TSHZ3: variants seen among roughly 807,000 people sequenced by gnomAD.
TSHZ3 encodes teashirt zinc finger homeobox 3.
TSHZ3 carries 10 observed loss-of-function variants against 64.5 expected under a neutral mutation model. The observed-to-expected ratio is 0.16, with a 90% CI of 0.10 to 0.26. TSHZ3 has a LOEUF of 0.26. TSHZ3 is among the 10% of genes least tolerant of loss of function. The pLI is 1.00. For synonymous variants in TSHZ3, 608 were observed against 593.1 expected, an observed-to-expected ratio of 1.03 and a Z score of -0.36; for missense variants, 1,242 against 1,421.7, an observed-to-expected ratio of 0.87 and a Z score of 2.03.
intron 6 of TSHZ3, among the ~76,000 whole-genome samples, chr19:31,155,324 AT>A (rs1250791229): frequency 1.3e-5 from 2 of 152,216 alleles, no homozygotes; most frequent in African/African-American, 4.8e-5. Flanking sequence ...AGAATATTAC[AT>A]AAGGGATGCT....
chr19:31,260,987 GA>G (rs951703741), intron 1 of TSHZ3, among the ~76,000 whole-genome samples: 90 of 152,304 alleles, frequency 5.9e-4, no homozygotes, highest in African/African-American at 1.8e-3. Context: ...GGCCAATTTT[GA>G]ATGCGGGGCG....
At chr19:31,303,205 C>T (rs771617202) in intron 1 of TSHZ3, among the ~76,000 whole-genome samples, 32 of 152,334 alleles carry the variant, frequency 2.1e-4, no homozygotes, top group Non-Finnish European at 4.6e-4. Context: ...ACAGCCAAGC[C>T]TTCACTCCGG....
chr19:31,186,021 T>C (rs969391280), intron 5 of TSHZ3, among the ~76,000 whole-genome samples: 3 of 152,244 alleles, frequency 2.0e-5, no homozygotes, highest in African/African-American at 7.2e-5. Context: ...TTTCTACTGC[T>C]GATTTGCATT....
At chr19:31,200,685 C>T (rs1975069970) in intron 5 of TSHZ3, among the ~76,000 whole-genome samples, 2 of 152,124 alleles carry the variant, frequency 1.3e-5, no homozygotes, top group South Asian at 4.1e-4. Context: ...ATCTATAGAA[C>T]ACGCAATACC....
chr19:31,158,739 C>T (rs771318555), intron 5 of TSHZ3, among the ~76,000 whole-genome samples: 8 of 152,002 alleles, frequency 5.3e-5, no homozygotes, highest in Non-Finnish European at 1.0e-4. Flanking sequence ...ACTAGGTGGC[C>T]CCATATGGGG....
At position 31,277,772 on chromosome 19, in the gene TSHZ3, G is replaced by A. The variant is rs747619045; in HGVS notation, c.2021C>T (p.Pro674Leu). Residue 674 changes from proline (P) to leucine (L), a missense_variant, in exon 2 of 2, where the codon CCG becomes CTG. This residue lies in a region of TSHZ3 where 550 missense variants were observed against 545.1 expected (regional missense o/e 1.01). Transcript: ENST00000240587. The surrounding 1 kb of genome is among the most constrained non-coding windows in gnomAD (Gnocchi z 4.5). The stretch of plus-strand genomic sequence containing the variant: ...GCTCCCATCCTTGCACCCATCCCGC[G>A]GGGGGCTGGGGCTGTTCTCCTGGCT... ...FRSQENSPSPPRDGCKDGSPL... is the reference protein window; with the variant it reads ...FRSQENSPSPLRDGCKDGSPL... 3.4e-5 allele frequency: 52 copies of A among 1,528,838 alleles called. No individual in the cohort carries two copies. The African/African-American group carries it at 3.8e-4, about 11-fold the overall frequency. 94.7% of individuals were successfully genotyped at this position (1,528,838 alleles called of 1,614,324 possible).
At chr19:31,263,001 T>C (rs949931689) in intron 1 of TSHZ3, among the ~76,000 whole-genome samples, 6 of 152,194 alleles carry the variant, frequency 3.9e-5, no homozygotes, top group Non-Finnish European at 7.3e-5. Context: ...ATGAAATTAA[T>C]TTCCTGTAAC....
At chr19:31,260,489 T>C (rs1599609657) in intron 1 of TSHZ3, among the ~76,000 whole-genome samples, 2 of 152,200 alleles carry the variant, frequency 1.3e-5, no homozygotes, top group South Asian at 4.1e-4. Flanking sequence ...CTGGGCTCTG[T>C]CCTCCTGGCA....
chr19:31,252,331 TC>T (rs1975854207), intron 1 of TSHZ3, among the ~76,000 whole-genome samples: 1 of 152,070 alleles, frequency 6.6e-6, no homozygotes, highest in East Asian at 1.9e-4. Flanking sequence ...CTATGCCAGC[TC>T]CCCCGTGTGT....
intron 1 of TSHZ3, among the ~76,000 whole-genome samples, chr19:31,250,185 C>A (rs964189490): frequency 8.5e-5 from 13 of 152,252 alleles, no homozygotes; most frequent in African/African-American, 3.1e-4. Context: ...TTAAGCACAT[C>A]TATGAGCATG....
chr19:31,303,894 C>A (rs1004537090), intron 1 of TSHZ3, among the ~76,000 whole-genome samples: 1 of 152,124 alleles, frequency 6.6e-6, no homozygotes, highest in Non-Finnish European at 1.5e-5. Flanking sequence ...TGACTAGGGC[C>A]AAGTGCTATT....
At chr19:31,342,924 G>A (rs750916275) in intron 1 of TSHZ3, among the ~76,000 whole-genome samples, 6 of 152,172 alleles carry the variant, frequency 3.9e-5, no homozygotes, top group Non-Finnish European at 8.8e-5. Context: ...GTTTGCCTTC[G>A]GATCTCACCT....
chr19:31,276,421 C>G lies in TSHZ3; in HGVS notation c.*126G>C. 1.1e-6 allele frequency: 1 copy of G among 916,760 alleles called. No individual in the cohort carries two copies. The highest frequency in any genetic ancestry group is 1.7e-5 in the South Asian group (1 of 57,316). The allele number at this position is 916,760 out of a possible 1,614,324, so 56.8% of individuals were successfully genotyped here. On this transcript the variant is annotated 3_prime_UTR_variant, in exon 2 of 2. Transcript: ENST00000240587. ...TGTACAGTTATACAAAACAGTCCAG[C>G]CCAGAGTGATTCTCTGCAGTTAAAA...
intron 1 of TSHZ3, among the ~76,000 whole-genome samples, chr19:31,313,442 G>A (rs948664323): frequency 2.0e-4 from 31 of 152,198 alleles, no homozygotes; most frequent in African/African-American, 6.5e-4. Flanking sequence ...ACCGCTGGAG[G>A]GCAGCGAGGA....
chr19:31,350,081 C>T (rs2021668234), upstream of TSHZ3, among the ~76,000 whole-genome samples: 3 of 143,606 alleles, frequency 2.1e-5, no homozygotes, highest in Non-Finnish European at 4.6e-5. Flanking sequence ...TCCCCAGCCA[C>T]CCCCCAGCTG....
chr19:31,273,664 C>A (rs368532195), downstream of TSHZ3, among the ~76,000 whole-genome samples: 1 of 152,156 alleles, frequency 6.6e-6, no homozygotes, highest in Non-Finnish European at 1.5e-5. Context: ...TGTGAAGATG[C>A]GGAAGGCACG....
At chr19:31,212,157 C>CA (rs1471462147) in intron 4 of TSHZ3, among the ~76,000 whole-genome samples, 2 of 151,140 alleles carry the variant, frequency 1.3e-5, no homozygotes, top group Non-Finnish European at 2.9e-5. Flanking sequence ...TGTTAAAAAG[C>CA]AAAAAAAGCA....
At chr19:31,156,397 G>A (rs1974306543) in exon 6 of TSHZ3, among the ~76,000 whole-genome samples, 1 of 152,116 alleles carries the variant, frequency 6.6e-6, no homozygotes, top group Admixed American at 6.5e-5. Context: ...CGATTCCGAT[G>A]CCCACAGTTC....
At chr19:31,195,902 T>G (rs1410363722) in intron 5 of TSHZ3, among the ~76,000 whole-genome samples, 1 of 151,980 alleles carries the variant, frequency 6.6e-6, no homozygotes, top group Non-Finnish European at 1.5e-5. Flanking sequence ...AGTCAGTAGG[T>G]GATTTTGTCA....
Sources: allele counts gnomAD v4.1 joint callset (sites outside exome capture counted in the v4.1 genomes callset), GRCh38; gene constraint gnomAD v4.1.1; regional missense constraint gnomAD v4.1.1; non-coding constraint Gnocchi (gnomAD v3.1); transcripts MANE v1.5; gene names NCBI Gene and HGNC (gene_info 2026-07-23, HGNC 2026-07-21).